RAB4B: variants seen among roughly 807,000 people sequenced by gnomAD.
RAB4B encodes ras-related protein Rab-4B.
In RAB4B, 15 loss-of-function variants were observed where a neutral mutation model predicts 28.3. The ratio of observed to expected loss-of-function variants is 0.53; its 90% CI spans 0.35 to 0.82. RAB4B has a LOEUF of 0.82. RAB4B is among the 40% of genes least tolerant of loss of function. RAB4B has a pLI of 0.01. For missense variants in RAB4B, 244 were observed against 288.5 expected (o/e 0.85, Z 1.12); for synonymous variants, 108 against 116.3 (o/e 0.93, Z 0.46).
intron 5 of RAB4B, chr19:40,786,459 C>G (rs2083100070): frequency 1.5e-6 from 1 of 654,356 alleles, no homozygotes. Flanking sequence ...GGAGGAGGAG[C>G]TGTGTGAGCT....
chr19:40,787,245 C>G (rs1462268993), intron 7 of RAB4B, among the ~76,000 whole-genome samples: 1 of 151,290 alleles, frequency 6.6e-6, no homozygotes, highest in African/African-American at 2.4e-5. Flanking sequence ...TCAGAAAGGT[C>G]AGGGCCAGGC....
At chr19:40,787,595 A>T (rs1228974916) in intron 7 of RAB4B, among the ~76,000 whole-genome samples, 4 of 142,238 alleles carry the variant, frequency 2.8e-5, no homozygotes, top group African/African-American at 1.0e-4. Flanking sequence ...GAGAGGGGTC[A>T]GAGCCAGCAG....
At position 40,796,778 on chromosome 19, in the gene RAB4B, GT is replaced by G. The variant is rs919214024; in HGVS notation, c.*225del. The G allele has an allele frequency of 1.8e-4, 28 of 153,098 alleles. No homozygotes were observed. The highest frequency in any genetic ancestry group is 6.0e-4 in the African/African-American group (25 of 41,572). The allele number at this position is 153,098 out of a possible 1,614,324, so 9.5% of individuals were successfully genotyped here. On this transcript the variant is annotated 3_prime_UTR_variant, in exon 8 of 8. Coordinates refer to ENST00000357052, the MANE Select transcript of RAB4B (RefSeq NM_016154.5). ...GCTTCCTCTGTCTTGGCTAACGTCT[GT>G]CCCCCTGAACCCCTAACCATACCCC...
chr19:40,781,804 G>A (rs968245123), intron 3 of RAB4B, among the ~76,000 whole-genome samples: 5 of 151,820 alleles, frequency 3.3e-5, no homozygotes, highest in Admixed American at 2.6e-4. Flanking sequence ...GGCGGATCAC[G>A]AGGTCAGGAG....
chr19:40,792,895 C>T, intron 7 of RAB4B, among the ~76,000 whole-genome samples: 1 of 152,052 alleles, frequency 6.6e-6, no homozygotes, highest in Non-Finnish European at 1.5e-5. Context: ...ATTCTCCTGC[C>T]TCAACCTCTG....
chr19:40,780,549 AAGAG>A (rs755189868), intron 3 of RAB4B, 50 bp downstream of exon 3: 190 of 1,488,390 alleles, frequency 1.3e-4, no homozygotes, highest in Non-Finnish European at 1.7e-4. Flanking sequence ...GTGAGAAGGA[AAGAG>A]AGAGATGTGT....
rs1336570518 is a variant in RAB4B, at chr19:40,778,918, G to A, written c.16+527G>A. ...GGGCAGAGGGAGGGAAGGAGAGGTC[G>A]GGAAGTGGAAAATCAGTAGGGATGC... On this transcript the variant is annotated intron_variant, in intron 1 of 7. Transcript: ENST00000357052. 1.4e-5 allele frequency: 14 copies of A among 981,964 alleles called. No homozygotes were observed. In the African/African-American group the frequency reaches 1.9e-4, roughly 14 times the overall value. The allele number at this position is 981,964 out of a possible 1,614,324, so 60.8% of individuals were successfully genotyped here. A position where few individuals can be genotyped will look rare whatever the true frequency, so the allele number is the denominator to read the frequency against.
rs529599907 is a variant in RAB4B, at chr19:40,780,233, G to A, written c.97+134G>A. 1.1e-4 allele frequency: 164 copies of A among 1,466,098 alleles called. 2 individuals carry two copies. The South Asian group carries it at 2.1e-3, about 19-fold the overall frequency. 90.8% of individuals were successfully genotyped at this position (1,466,098 alleles called of 1,614,324 possible). On this transcript the variant is annotated intron_variant, in intron 2 of 7. Transcript: ENST00000357052. ...GTGCTGGCTTTTTGGTCCTTGCTTTGTCGTATGTCCTTTACTAGGTTCTCC... is the reference window on the plus strand; with the variant it reads ...GTGCTGGCTTTTTGGTCCTTGCTTTATCGTATGTCCTTTACTAGGTTCTCC...
intron 3 of RAB4B, among the ~76,000 whole-genome samples, chr19:40,782,580 A>G (rs1278775431): frequency 6.6e-6 from 1 of 152,146 alleles, no homozygotes; most frequent in Admixed American, 6.5e-5. Context: ...TGGGAGGCCT[A>G]GGCGGGCAGA....
Position 40,786,767 on chromosome 19 carries a change from C to A in RAB4B, c.526+7C>A. ...CTCAACAAGATTGACTCAGGTGAGG[C>A]CCCGACCGGCCCGAGTGGGAGCGAA... On this transcript the variant is annotated splice_region_variant and intron_variant, in intron 6 of 7. Transcript: ENST00000357052. 6.2e-7 allele frequency: 1 copy of A among 1,614,156 alleles called. No homozygotes were observed. Among genetic ancestry groups the A allele is most frequent in the Non-Finnish European group, 8.5e-7 (1 of 1,180,010 alleles).
chr19:40,786,559 A>T (rs2083100935), intron 5 of RAB4B, 106 bp from the exon 6 acceptor site: 3 of 1,528,008 alleles, frequency 2.0e-6, no homozygotes, highest in Admixed American at 3.9e-5. Flanking sequence ...GGTGAGGGTA[A>T]GGGGGGATGG....
intron 2 of RAB4B, 51 bp downstream of exon 2, chr19:40,780,150 G>A (rs373405336): frequency 2.5e-6 from 4 of 1,600,520 alleles, no homozygotes; most frequent in Non-Finnish European, 3.4e-6. Flanking sequence ...TTATGCGCAT[G>A]GTGTGGGCTG....
chr19:40,787,707 A>T (rs1455572120), intron 7 of RAB4B, among the ~76,000 whole-genome samples: 1 of 150,358 alleles, frequency 6.7e-6, no homozygotes, highest in Non-Finnish European at 1.5e-5. Context: ...GGATGAGGGG[A>T]CACAGGCAGA....
chr19:40,788,065 C>T (rs2083119439), intron 7 of RAB4B, among the ~76,000 whole-genome samples: 1 of 150,994 alleles, frequency 6.6e-6, no homozygotes. Flanking sequence ...CCCTCCCATT[C>T]ATAGTTCTCC....
At chr19:40,784,124 AG>A in intron 5 of RAB4B, 49 bp downstream of exon 5, 1 of 1,551,048 alleles carries the variant, frequency 6.4e-7, no homozygotes, top group Admixed American at 1.8e-5. Context: ...GACAGTCCAC[AG>A]GGACCATGGG....
intron 1 of RAB4B, among the ~76,000 whole-genome samples, chr19:40,778,630 T>A (rs560719329): frequency 1.3e-5 from 2 of 152,112 alleles, no homozygotes; most frequent in South Asian, 2.1e-4. Context: ...GAGCTGGTCC[T>A]GAGGGGTTCA....
intron 1 of RAB4B, chr19:40,778,973 G>T (rs762645227): frequency 2.0e-5 from 20 of 985,924 alleles, no homozygotes; most frequent in Non-Finnish European, 2.4e-5. Flanking sequence ...GGAGGCAGGG[G>T]AAGTGCAGGT....
chr19:40,787,103 A>C, intron 7 of RAB4B, 125 bp downstream of exon 7: 2 of 921,736 alleles, frequency 2.2e-6, no homozygotes, highest in Non-Finnish European at 3.3e-6. Flanking sequence ...AAAAACACAC[A>C]AGCTAAAGGA....
intron 5 of RAB4B, among the ~76,000 whole-genome samples, chr19:40,784,729 G>A (rs1430380588): frequency 1.3e-5 from 2 of 151,922 alleles, no homozygotes; most frequent in African/African-American, 4.8e-5. Flanking sequence ...GCCGCACAGG[G>A]TATTGGTTTT....
Sources: gnomAD v4.1 joint callset for allele counts (sites outside exome capture counted in the v4.1 genomes callset) on GRCh38, gnomAD v4.1.1 for gene constraint, MANE v1.5 for transcripts, NCBI Gene and HGNC (gene_info 2026-07-23, HGNC 2026-07-21) for gene names.